The following RASAL1 variants were observed in gnomAD, a reference collection of about 807,000 sequenced individuals.
RASAL1 encodes the protein rasGAP-activating-like protein 1.
In RASAL1, 72 loss-of-function variants were observed where a neutral mutation model predicts 96.6. The ratio of observed to expected loss-of-function variants is 0.75; its 90% CI spans 0.62 to 0.91. The LOEUF is 0.91. Among genes scored for constraint, RASAL1 ranks in the 40% least tolerant of loss-of-function variants. The pLI is 0.00. For missense variants in RASAL1, 1,016 were observed against 1,072.5 expected, an observed-to-expected ratio of 0.95 and a Z score of 0.74; for synonymous variants, 405 against 430.4, an observed-to-expected ratio of 0.94 and a Z score of 0.73.
At chr12:113,114,053 C>G (rs921812567) in intron 12 of RASAL1, among the ~76,000 whole-genome samples, 3 of 152,220 alleles carry the variant, frequency 2.0e-5, no homozygotes, top group African/African-American at 7.2e-5. Flanking sequence ...GTTAACGGAG[C>G]AGAGGTCATG....
intron 4 of RASAL1, among the ~76,000 whole-genome samples, chr12:113,122,016 T>C (rs187904169): frequency 1.3e-5 from 2 of 152,084 alleles, no homozygotes; most frequent in African/African-American, 2.4e-5. Context: ...AGCCACTATG[T>C]CCTGCCTCAA....
At position 113,108,129 on chromosome 12, in the gene RASAL1, G is replaced by A. The variant is rs753127637; in HGVS notation, c.1468C>T (p.His490Tyr). The A allele has an allele frequency of 3.1e-6, 5 of 1,613,864 alleles. No homozygotes were observed. The highest frequency in any genetic ancestry group is 2.7e-5 in the African/African-American group (2 of 75,036). ...GAGCGGCTAGTCTGGGGGTCCGCGT[G>A]TTGGTCCCGAAGGTCAAACAGCTTT... ...TPKLFDLRDQ[H>Y]ADPQTSRSLL... The change falls in exon 14 of 21, where the codon CAC becomes TAC. Residue 490 changes from histidine to tyrosine, a missense_variant. His to Tyr is a moderately conservative substitution (Grantham distance 83). Coordinates refer to ENST00000548055, the MANE Select transcript of RASAL1 (RefSeq NM_001301202.2).
intron 20 of RASAL1, 128 bp from the exon 21 acceptor site, chr12:113,100,196 C>T: frequency 6.5e-6 from 7 of 1,078,926 alleles, no homozygotes; most frequent in East Asian, 5.3e-5. Context: ...CTTGAGAATC[C>T]CCACACACAG....
chr12:113,115,909 A>G lies in RASAL1; in HGVS notation c.849+25T>C, dbSNP rs1328399919. 1 of 1,583,964 alleles carries G rather than the reference A, an allele frequency of 6.3e-7. No individual in the cohort carries two copies. Among genetic ancestry groups the G allele is most frequent in the South Asian group, 1.2e-5 (1 of 86,654 alleles). ...TCCAGACCCCCGGCACCCGCCTGAT[A>G]GCATTGCTTGCCTGACGCACCCACC... On this transcript the variant is annotated intron_variant, in intron 9 of 20. Coordinates refer to ENST00000548055, the MANE Select transcript of RASAL1 (RefSeq NM_001301202.2). This position sits in a 1 kb window ranked among gnomAD's most constrained non-coding sequence, Gnocchi z 4.1.
At chr12:113,109,568 A>G (rs1336303148) in intron 13 of RASAL1, among the ~76,000 whole-genome samples, 1 of 152,006 alleles carries the variant, frequency 6.6e-6, no homozygotes, top group Non-Finnish European at 1.5e-5. Context: ...GCTCCCCCCA[A>G]ACCAGCTCCC....
At position 113,107,295 on chromosome 12, in the gene RASAL1, C is replaced by A. The variant is rs1339893698; in HGVS notation, c.1513-54G>T. 6 of 1,504,836 alleles carry A rather than the reference C, an allele frequency of 4.0e-6. No individual in the cohort carries two copies. The African/African-American group carries it at 5.6e-5, about 14-fold the overall frequency. 93.2% of individuals were successfully genotyped at this position (1,504,836 alleles called of 1,614,324 possible). ...GCCAAGGTCACAGCAGAGGGTAGGG[C>A]CCCTCCTGGCTCCCAAATCAGTGCT... On this transcript the variant is annotated intron_variant, in intron 14 of 20. Transcript: ENST00000548055.
At chr12:113,127,668 G>A in intron 4 of RASAL1, 144 bp downstream of exon 4, 2 of 711,586 alleles carry the variant, frequency 2.8e-6, no homozygotes, top group Non-Finnish European at 4.5e-6. Flanking sequence ...ACAATTAAAA[G>A]CAAACAAAAA....
chr12:113,125,123 A>G (rs1951433770), intron 4 of RASAL1, among the ~76,000 whole-genome samples: 1 of 151,584 alleles, frequency 6.6e-6, no homozygotes, highest in Admixed American at 6.6e-5. Flanking sequence ...ATACATATAC[A>G]TATATGTGTG....
At chr12:113,127,981 G>T in intron 3 of RASAL1, 84 bp downstream of exon 3, 1 of 1,557,038 alleles carries the variant, frequency 6.4e-7, no homozygotes, top group Non-Finnish European at 8.8e-7. Context: ...CACCCTCGTG[G>T]GCTGTGGACC....
At chr12:113,110,727 T>C (rs1201574320) in intron 13 of RASAL1, among the ~76,000 whole-genome samples, 1 of 152,108 alleles carries the variant, frequency 6.6e-6, no homozygotes, top group African/African-American at 2.4e-5. Flanking sequence ...CGAGACCCTC[T>C]GGGCAACACA....
intron 19 of RASAL1, among the ~76,000 whole-genome samples, chr12:113,100,893 C>G (rs1414675071): frequency 6.6e-6 from 1 of 152,180 alleles, no homozygotes; most frequent in Non-Finnish European, 1.5e-5. Context: ...TCATGACAAA[C>G]TCATATGAGG....
At position 113,115,655 on chromosome 12, in the gene RASAL1, C is replaced by T. The variant is rs564787131; in HGVS notation, c.983G>A (p.Arg328Gln). 1.6e-5 allele frequency: 26 copies of T among 1,613,596 alleles called. No homozygotes were observed. Among genetic ancestry groups the T allele is most frequent in the Admixed American group, 8.3e-5 (5 of 60,014 alleles). ...CTCACTGGTCCGAGCCACCTCACGC[C>T]GGGTGAGATAGTCCAGAAAGCGCCC... ...LAGRFLDYLT[R>Q]REVARTMDPN... Residue 328 changes from arginine (R) to glutamine (Q), a missense_variant, in exon 10 of 21, where the codon CGG becomes CAG. Physicochemically the swap from Arg to Gln is conservative, Grantham distance 43 (BLOSUM62 1). Coordinates refer to ENST00000548055, the MANE Select transcript of RASAL1 (RefSeq NM_001301202.2). This position sits in a 1 kb window ranked among gnomAD's most constrained non-coding sequence, Gnocchi z 4.1.
In RASAL1 at chr12:113,107,259, G is replaced by C. The variant is rs886218315; in HGVS notation, c.1513-18C>G. The C allele has an allele frequency of 6.4e-7, 1 of 1,573,526 alleles. No individual in the cohort carries two copies. The highest frequency in any genetic ancestry group is 8.6e-7 in the Non-Finnish European group (1 of 1,158,782). The stretch of plus-strand genomic sequence containing the variant: ...TGCACAGCCTGGAGCAAAGAAGCGA[G>C]GGATGCCGGGGCCAAGGTCACAGCA... On this transcript the variant is annotated intron_variant, in intron 14 of 20. Transcript: ENST00000548055.
At chr12:113,106,695 A>G (rs1395341519) in intron 15 of RASAL1, among the ~76,000 whole-genome samples, 1 of 151,692 alleles carries the variant, frequency 6.6e-6, no homozygotes, top group South Asian at 2.1e-4. Context: ...AACATACCAC[A>G]TAACTTGCTT....
rs1951035021 is a variant in RASAL1 at position 113,115,335 on chromosome 12, T to C, written c.1004-71A>G. ...CCCAGCTCACCCCACTCACCCAAGG[T>C]GGGAGTCATGATTCTTCCAGCCCCA... is the stretch of plus-strand genomic sequence containing the variant. On this transcript the variant is annotated intron_variant, in intron 10 of 20. Transcript: ENST00000548055. This position sits in a 1 kb window ranked among gnomAD's most constrained non-coding sequence, Gnocchi z 4.1. The C allele has an allele frequency of 7.2e-7, 1 of 1,397,296 alleles. No homozygotes were observed. Among genetic ancestry groups the C allele is most frequent in the South Asian group, 1.2e-5 (1 of 86,516 alleles). The allele number at this position is 1,397,296 out of a possible 1,614,324, so 86.6% of individuals were successfully genotyped here.
intron 14 of RASAL1, 184 bp from the exon 15 acceptor site, chr12:113,107,425 C>T: frequency 1.4e-6 from 1 of 735,424 alleles, no homozygotes; most frequent in Non-Finnish European, 2.2e-6. Context: ...GAGCTTGTGA[C>T]GAGCCTGGCC....
intron 17 of RASAL1, 37 bp from the exon 18 acceptor site, chr12:113,104,118 A>C (rs1335436224): frequency 6.3e-7 from 1 of 1,586,684 alleles, no homozygotes; most frequent in African/African-American, 1.3e-5. Context: ...GGCGGGTGGG[A>C]ACAGAGGGAC....
Position 113,119,413 on chromosome 12 carries a change from T to A in RASAL1, c.459A>T (p.Thr153=). The A allele has an allele frequency of 6.2e-7, 1 of 1,609,408 alleles. No individual in the cohort carries two copies. The highest frequency in any genetic ancestry group is 8.5e-7 in the Non-Finnish European group (1 of 1,177,404). ...AAAACACACGTGCAAATGGGTCAGA[T>A]GTGCCAGAGATGTCTCTGGGAGCCA... ...RDLAPRDISG[T]SDPFARVFWG... The change falls in exon 6 of 21, where the codon ACA becomes ACT. Residue 153 remains threonine, a synonymous_variant. Transcript: ENST00000548055.
At chr12:113,116,243 G>A (rs1166870793) in intron 8 of RASAL1, among the ~76,000 whole-genome samples, 192 bp from the exon 9 acceptor site, 3 of 152,018 alleles carry the variant, frequency 2.0e-5, no homozygotes, top group East Asian at 1.9e-4. Context: ...GATGACACAC[G>A]CCTGTAGTCC....
Sources: gnomAD v4.1 joint callset for allele counts (sites outside exome capture counted in the v4.1 genomes callset) on GRCh38, gnomAD v4.1.1 for gene constraint, Gnocchi (gnomAD v3.1) non-coding constraint, MANE v1.5 for transcripts, NCBI Gene and HGNC (gene_info 2026-07-23, HGNC 2026-07-21) for gene names.